Variants in SPTB observed in about 807,000 individuals in gnomAD.
SPTB encodes the protein spectrin beta chain, erythrocytic.
SPTB carries 45 observed loss-of-function variants against 256.2 expected under a neutral mutation model. The ratio of observed to expected loss-of-function variants is 0.18; its 90% CI spans 0.14 to 0.23. The LOEUF (loss-of-function observed/expected upper bound fraction) is 0.23, where lower values mean the gene tolerates loss of function less well. Among genes scored for constraint, SPTB ranks in the 10% least tolerant of loss-of-function variants. The pLI, the probability that SPTB is intolerant of heterozygous loss-of-function variation, is 1.00. For missense variants in SPTB, 2,715 were observed against 3,040.4 expected, an observed-to-expected ratio of 0.89 and a Z score of 2.52; for synonymous variants, 1,231 against 1,243.1, an observed-to-expected ratio of 0.99 and a Z score of 0.21.
chr14:64,797,466 C>CGAAA (rs2082792919), intron 10 of SPTB, among the ~76,000 whole-genome samples: 1 of 25,116 alleles, frequency 4.0e-5, no homozygotes, highest in Non-Finnish European at 7.5e-5. Context: ...GACCCTGTCT[C>CGAAA]CAAAAAAAAA....
chr14:64,822,904 G>A (rs1418305167), intron 2 of SPTB, 43 bp downstream of exon 2: 6 of 1,611,886 alleles, frequency 3.7e-6, no homozygotes, highest in South Asian at 2.2e-5. Flanking sequence ...TGAACCTTGT[G>A]ACTGTGAGAA....
chr14:64,749,641 T>C lies in SPTB; in HGVS notation c.6819+13A>G. On this transcript the variant is annotated intron_variant, in intron 35 of 35. Transcript: ENST00000644917. This position sits in a 1 kb window ranked among gnomAD's most constrained non-coding sequence, Gnocchi z 4.7. ...CTTCTTAGCCAGGTCTGGGCTAGGC[T>C]GCCCGCGCTTACCTCATCCTTGCCA... The C allele has an allele frequency of 6.2e-7, 1 of 1,613,582 alleles. No individual in the cohort carries two copies. Among genetic ancestry groups the C allele is most frequent in the East Asian group, 2.2e-5 (1 of 44,864 alleles).
In SPTB at chr14:64,778,742, C is replaced by T. The variant is rs1464175850; in HGVS notation, c.4563+415G>A. ...CTTACCCCAAGGACACCACACATGC[C>T]AAGCTCAGCCCTGGAAGAGGGGCAA... On this transcript the variant is annotated intron_variant, in intron 22 of 35. Coordinates refer to ENST00000644917, the MANE Select transcript of SPTB (RefSeq NM_001355436.2). The surrounding 1 kb of genome is among the most constrained non-coding windows in gnomAD (Gnocchi z 5.2). 1.3e-5 allele frequency among the ~76,000 whole-genome samples: 2 copies of T among 152,206 alleles called. No individual in the cohort carries two copies. Among genetic ancestry groups the T allele is most frequent in the Admixed American group, 6.5e-5 (1 of 15,290 alleles).
chr14:64,872,651 T>C (rs937402683), intron 1 of SPTB, among the ~76,000 whole-genome samples: 1 of 152,210 alleles, frequency 6.6e-6, no homozygotes, highest in Non-Finnish European at 1.5e-5. Flanking sequence ...TGGCCCCACG[T>C]TGGGGGCTTC....
At chr14:64,789,424 T>A (rs941671534) in intron 15 of SPTB, among the ~76,000 whole-genome samples, 6 of 152,018 alleles carry the variant, frequency 3.9e-5, no homozygotes, top group Non-Finnish European at 7.4e-5. Context: ...GATAGAGACA[T>A]AAACAAGTCT....
In SPTB at chr14:64,767,700, C is replaced by G; in HGVS notation, c.6182G>C (p.Trp2061Ser). Residue 2061 changes from tryptophan to serine, a missense_variant, in exon 30 of 36, where the codon TGG becomes TCG. This residue lies in a region of SPTB where 2,239 missense variants were observed against 2,384.4 expected (regional missense o/e 0.94). Transcript: ENST00000644917. ...CTCCAGGGCAGCAAAGCGCTCTGCC[C>G]AGCTGGCCGTGGACTTCTCAAAAGC... ...HEAFEKSTAS[W>S]AERFAALEKP... The G allele has an allele frequency of 1.2e-6, 2 of 1,614,202 alleles. No individual in the cohort carries two copies. Among genetic ancestry groups the G allele is most frequent in the Non-Finnish European group, 8.5e-7 (1 of 1,180,036 alleles).
chr14:64,765,041 T>TGTGCGC lies in SPTB; in HGVS notation c.6345+1684_6345+1685insGCGCAC, dbSNP rs570414192. On this transcript the variant is annotated intron_variant, in intron 32 of 35. Transcript: ENST00000644917. Reference sequence around the variant, plus strand: ...GAGTGTGTGCGTGTGTGTGTGTGTGTGCGCGCGCGCGCGCGGGTGGTGGAT... The same window carrying TGTGCGC: ...GAGTGTGTGCGTGTGTGTGTGTGTGTGTGCGCGCGCGCGCGCGCGCGGGTGGTGGAT... 4.6e-3 allele frequency among the ~76,000 whole-genome samples: 543 copies of TGTGCGC among 116,982 alleles called. 1 individual carries two copies. The highest frequency in any genetic ancestry group is 0.011 in the African/African-American group (334 of 29,834). 76.7% of individuals were successfully genotyped at this position (116,982 alleles called of 152,430 possible).
chr14:64,750,884 ATATT>A (rs886400865), intron 33 of SPTB, among the ~76,000 whole-genome samples: 73 of 146,448 alleles, frequency 5.0e-4, no homozygotes, highest in Admixed American at 1.1e-3. Context: ...TGTATAATAT[ATATT>A]TATATGAAAT....
At chr14:64,867,299 C>T (rs764642307) in intron 1 of SPTB, among the ~76,000 whole-genome samples, 1 of 152,114 alleles carries the variant, frequency 6.6e-6, no homozygotes, top group Non-Finnish European at 1.5e-5. Context: ...CCCAATTCAA[C>T]TTGTTTCTTG....
Position 64,800,826 on chromosome 14 carries a change from T to C in SPTB, c.806A>G (p.Tyr269Cys). Reference sequence around the variant, plus strand: ...GAAGTAGTGGTAAAAGGCCACCACATAGGTGATGATGGATTTCTCATCAGG... The same window carrying C: ...GAAGTAGTGGTAAAAGGCCACCACACAGGTGATGATGGATTTCTCATCAGG... ...ENPDEKSIIT[Y>C]VVAFYHYFSK... The change falls in exon 8 of 36, where the codon TAT (tyrosine) becomes TGT (cysteine). Residue 269 changes from tyrosine to cysteine, a missense_variant. Coordinates refer to ENST00000644917, the MANE Select transcript of SPTB (RefSeq NM_001355436.2). 6.2e-7 allele frequency: 1 copy of C among 1,614,212 alleles called. No homozygotes were observed. The highest frequency in any genetic ancestry group is 8.5e-7 in the Non-Finnish European group (1 of 1,180,036).
intron 19 of SPTB, among the ~76,000 whole-genome samples, chr14:64,783,899 C>A (rs1220924086): frequency 6.6e-6 from 1 of 152,218 alleles, no homozygotes; most frequent in Non-Finnish European, 1.5e-5. Context: ...TTGCCTATTC[C>A]TCCAGCCCTG....
Position 64,749,272 on chromosome 14 carries a change from G to T in SPTB, c.*34C>A, listed in dbSNP as rs753168397. 6.5e-7 allele frequency: 1 copy of T among 1,547,908 alleles called. No individual in the cohort carries two copies. Among genetic ancestry groups the T allele is most frequent in the Non-Finnish European group, 8.7e-7 (1 of 1,151,708 alleles). Reference sequence around the variant, plus strand: ...GGCCTGGGCTGCCCGGTCTCTGCGCGTCCCGACTCCGCCGCGCCCGCCAGC... The same window carrying T: ...GGCCTGGGCTGCCCGGTCTCTGCGCTTCCCGACTCCGCCGCGCCCGCCAGC... On this transcript the variant is annotated 3_prime_UTR_variant, in exon 36 of 36. Coordinates refer to ENST00000644917, the MANE Select transcript of SPTB (RefSeq NM_001355436.2). This position sits in a 1 kb window ranked among gnomAD's most constrained non-coding sequence, Gnocchi z 4.7.
At position 64,795,440 on chromosome 14, in the gene SPTB, T is replaced by C; in HGVS notation, c.1541A>G (p.Gln514Arg). The C allele has an allele frequency of 6.2e-7, 1 of 1,614,252 alleles. No homozygotes were observed. The highest frequency in any genetic ancestry group is 8.5e-7 in the Non-Finnish European group (1 of 1,180,036). The stretch of plus-strand genomic sequence containing the variant: ...CTGGCGCCGGGACTGCAGCAGCTCC[T>C]GCAGGTAGCTCCATAGGCGCAGTAT... The part of the protein sequence containing the change: ...DNILRLWSYL[Q>R]ELLQSRRQRL... The change falls in exon 12 of 36, where the codon CAG (glutamine) becomes CGG (arginine). Residue 514 changes from glutamine (Q) to arginine (R), a missense_variant. Around this residue, in one of 4 missense-constraint regions of SPTB, gnomAD observed 2,239 missense variants for 2,384.4 expected, o/e 0.94. Coordinates refer to ENST00000644917, the MANE Select transcript of SPTB (RefSeq NM_001355436.2). The surrounding 1 kb of genome is among the most constrained non-coding windows in gnomAD (Gnocchi z 6.5).
At chr14:64,872,930 C>T (rs1035101424) in intron 1 of SPTB, among the ~76,000 whole-genome samples, 3 of 152,222 alleles carry the variant, frequency 2.0e-5, no homozygotes, top group Non-Finnish European at 4.4e-5. Context: ...CATCCCCAGC[C>T]ATGCTGAACT....
intron 1 of SPTB, among the ~76,000 whole-genome samples, chr14:64,875,016 C>T (rs1882744302): frequency 6.6e-6 from 1 of 152,208 alleles, no homozygotes; most frequent in Non-Finnish European, 1.5e-5. Flanking sequence ...CCACTTTTGC[C>T]CCCACTGCTC....
At position 64,785,369 on chromosome 14, in the gene SPTB, C is replaced by T. The variant is rs535613409; in HGVS notation, c.3855+168G>A. Among the ~76,000 whole-genome samples the T allele has an allele frequency of 4.3e-4, 66 of 151,768 alleles. No individual in the cohort carries two copies. Among genetic ancestry groups the T allele is most frequent in the Non-Finnish European group, 8.7e-4 (59 of 67,922 alleles). The stretch of plus-strand genomic sequence containing the variant: ...CAGATTTGAAAAAAAAAAAACAGTG[C>T]AACTGAAGATTCCAGAGAATGACCC... On this transcript the variant is annotated intron_variant, in intron 18 of 35. Coordinates refer to ENST00000644917, the MANE Select transcript of SPTB (RefSeq NM_001355436.2). The surrounding 1 kb of genome is among the most constrained non-coding windows in gnomAD (Gnocchi z 4.4).
In SPTB at chr14:64,749,597, GGGGTCCTCCACCTACCC is replaced by G; in HGVS notation, c.6819+40_6819+56del. 1 of 1,610,864 alleles carries G rather than the reference GGGGTCCTCCACCTACCC, an allele frequency of 6.2e-7. No homozygotes were observed. The highest frequency in any genetic ancestry group is 8.5e-7 in the Non-Finnish European group (1 of 1,179,510). On this transcript the variant is annotated intron_variant, in intron 35 of 35. Coordinates refer to ENST00000644917, the MANE Select transcript of SPTB (RefSeq NM_001355436.2). This position sits in a 1 kb window ranked among gnomAD's most constrained non-coding sequence, Gnocchi z 4.7. ...AGGGGGCCTCCAGGGCAAGCGGCCTGGGGTCCTCCACCTACCCCCTTCTTAGCCAGGTCTGGGCTAGG... is the reference window on the plus strand; with the variant it reads ...AGGGGGCCTCCAGGGCAAGCGGCCTGCCTTCTTAGCCAGGTCTGGGCTAGG...
At chr14:64,851,893 G>C (rs925186927) in intron 1 of SPTB, among the ~76,000 whole-genome samples, 1 of 151,998 alleles carries the variant, frequency 6.6e-6, no homozygotes, top group Admixed American at 6.6e-5. Flanking sequence ...GAGAGCTAAA[G>C]GAAAAATAGC....
chr14:64,856,985 C>G (rs2083884505), intron 1 of SPTB, among the ~76,000 whole-genome samples: 1 of 152,178 alleles, frequency 6.6e-6, no homozygotes, highest in Non-Finnish European at 1.5e-5. Flanking sequence ...GCTTTAATTT[C>G]CTTATCATTT....
Sources: gnomAD v4.1 joint callset for allele counts (sites outside exome capture counted in the v4.1 genomes callset) on GRCh38, gnomAD v4.1.1 for gene constraint, gnomAD v4.1.1 regional missense constraint, Gnocchi (gnomAD v3.1) non-coding constraint, MANE v1.5 for transcripts, NCBI Gene and HGNC (gene_info 2026-07-23, HGNC 2026-07-21) for gene names.